MAML3: variants seen among roughly 807,000 people sequenced by gnomAD.
The protein encoded by MAML3 is mastermind like transcriptional coactivator 3.
Under a neutral mutation model 101.9 loss-of-function variants are expected in MAML3, and 27 were observed. The ratio of observed to expected loss-of-function variants is 0.27; its 90% CI spans 0.20 to 0.37. The LOEUF (loss-of-function observed/expected upper bound fraction) is 0.37, where lower values mean the gene tolerates loss of function less well. MAML3 is among the 10% of genes least tolerant of loss of function. The pLI is 1.00. For missense variants in MAML3, 1,316 were observed against 1,444.9 expected, an observed-to-expected ratio of 0.91 and a Z score of 1.45; for synonymous variants, 501 against 555.9, an observed-to-expected ratio of 0.90 and a Z score of 1.39.
Position 139,883,278 on chromosome 4 carries a change from T to C in MAML3, c.2079+6079A>G, listed in dbSNP as rs993652032. Among the ~76,000 whole-genome samples the C allele has an allele frequency of 9.8e-5, 15 of 152,320 alleles. No homozygotes were observed. The South Asian group carries it at 1.2e-3, about 13-fold the overall frequency. The stretch of plus-strand genomic sequence containing the variant: ...ATATTATCTGATGTGCTTGATCATA[T>C]TGAATGTTTTACATGGTCAGAAAAG... On this transcript the variant is annotated intron_variant, in intron 2 of 4. Transcript: ENST00000509479.
At chr4:139,950,410 C>T (rs1399363356) in intron 1 of MAML3, among the ~76,000 whole-genome samples, 2 of 152,156 alleles carry the variant, frequency 1.3e-5, no homozygotes, top group Non-Finnish European at 2.9e-5. Context: ...CCAGCCCCCA[C>T]AGTCAAATAA....
chr4:139,758,638 G>A (rs116409157), intron 2 of MAML3, among the ~76,000 whole-genome samples: 49 of 152,268 alleles, frequency 3.2e-4, no homozygotes, highest in African/African-American at 1.2e-3. Context: ...AGTATGCTCG[G>A]TACGTTATCA....
intron 2 of MAML3, among the ~76,000 whole-genome samples, chr4:139,748,409 A>G (rs892025435): frequency 6.6e-6 from 1 of 152,220 alleles, no homozygotes; most frequent in African/African-American, 2.4e-5. Flanking sequence ...AGAAATGGAA[A>G]GAAGTGGAGC....
intron 1 of MAML3, among the ~76,000 whole-genome samples, chr4:140,124,700 T>C (rs77948464): frequency 0.013 from 1,952 of 152,322 alleles, 44 homozygotes; most frequent in African/African-American, 0.044. Context: ...CCAGACCTAT[T>C]TGCAATACTA....
intron 1 of MAML3, among the ~76,000 whole-genome samples, chr4:139,991,970 A>G (rs1023949580): frequency 6.6e-6 from 1 of 152,194 alleles, no homozygotes; most frequent in Admixed American, 6.5e-5. Flanking sequence ...GGACACTTCC[A>G]TCACTTCAAA....
At chr4:139,801,117 T>C (rs1194845249) in intron 2 of MAML3, among the ~76,000 whole-genome samples, 3 of 152,212 alleles carry the variant, frequency 2.0e-5, no homozygotes, top group African/African-American at 7.2e-5. Context: ...CCCTATGGGA[T>C]GTGCCAGTTT....
chr4:139,768,989 G>C (rs1305200301), intron 2 of MAML3, among the ~76,000 whole-genome samples: 7 of 152,256 alleles, frequency 4.6e-5, no homozygotes, highest in Non-Finnish European at 1.0e-4. Context: ...GGCAGCACCA[G>C]GGGCTGACTG....
chr4:139,948,469 G>A (rs1050672033), intron 1 of MAML3, among the ~76,000 whole-genome samples: 3 of 152,192 alleles, frequency 2.0e-5, no homozygotes, highest in African/African-American at 7.2e-5. Context: ...ATTCATAGGT[G>A]TATTAGCTCA....
intron 1 of MAML3, among the ~76,000 whole-genome samples, chr4:140,022,115 A>G (rs565270406): frequency 6.6e-6 from 1 of 152,250 alleles, no homozygotes; most frequent in Non-Finnish European, 1.5e-5. Flanking sequence ...TGCAAATTCC[A>G]GCAAGTGAGT....
chr4:139,756,633 T>G (rs35096225), intron 2 of MAML3, among the ~76,000 whole-genome samples: 1,564 of 152,324 alleles, frequency 0.01, 16 homozygotes, highest in Middle Eastern at 0.024. Context: ...TGGTTGTGGC[T>G]GTGCTTTAGG....
intron 1 of MAML3, among the ~76,000 whole-genome samples, chr4:139,974,327 G>A (rs1317899618): frequency 1.3e-5 from 2 of 151,994 alleles, no homozygotes; most frequent in South Asian, 2.1e-4. Flanking sequence ...GGATGGTCTC[G>A]ATCTCCTGAC....
rs1447122335 is a variant in MAML3, at chr4:139,730,677, CAA to C, written c.2080-12_2080-11del. ...CAACTGGATGCTGCTCCTGGGAAGA[CAA>C]GAGAGAGGGAGATGCAGGGATTCCC... On this transcript the variant is annotated splice_polypyrimidine_tract_variant and intron_variant, in intron 2 of 4. Transcript: ENST00000509479. The C allele has an allele frequency of 1.1e-5, 17 of 1,608,388 alleles. No homozygotes were observed. Among genetic ancestry groups the C allele is most frequent in the Non-Finnish European group, 1.2e-5 (14 of 1,176,502 alleles).
chr4:139,740,959 A>G (rs1729146255), intron 2 of MAML3, among the ~76,000 whole-genome samples: 1 of 152,090 alleles, frequency 6.6e-6, no homozygotes, highest in Non-Finnish European at 1.5e-5. Context: ...AGGCCGTGAG[A>G]GGGAGGGCCC....
intron 2 of MAML3, among the ~76,000 whole-genome samples, chr4:139,830,580 A>C (rs377463085): frequency 0.038 from 5,794 of 150,904 alleles, 391 homozygotes; most frequent in African/African-American, 0.13. Flanking sequence ...ACGCCATGCT[A>C]ATTTTTTATA....
chr4:139,875,136 T>A (rs1247516158), intron 2 of MAML3, among the ~76,000 whole-genome samples: 2 of 152,058 alleles, frequency 1.3e-5, no homozygotes, highest in African/African-American at 4.8e-5. Flanking sequence ...AAACCTAAAG[T>A]ACAAACAGGT....
intron 1 of MAML3, among the ~76,000 whole-genome samples, chr4:140,103,671 A>T (rs570623529): frequency 3.9e-5 from 6 of 152,352 alleles, no homozygotes; most frequent in Non-Finnish European, 5.9e-5. Flanking sequence ...GGAAAAATCA[A>T]AATGGTTTTT....
chr4:140,083,282 T>C (rs554111558), intron 1 of MAML3, among the ~76,000 whole-genome samples: 2 of 152,180 alleles, frequency 1.3e-5, no homozygotes, highest in East Asian at 1.9e-4. Context: ...TTTCCCCACA[T>C]TGCCCACTCC....
intron 1 of MAML3, among the ~76,000 whole-genome samples, chr4:139,969,412 A>C (rs1245915995): frequency 6.6e-6 from 1 of 152,056 alleles, no homozygotes; most frequent in Non-Finnish European, 1.5e-5. Flanking sequence ...TCAGAAAAAT[A>C]TGTTTGGAGA....
At chr4:140,113,491 G>C (rs1440999094) in intron 1 of MAML3, among the ~76,000 whole-genome samples, 1 of 152,090 alleles carries the variant, frequency 6.6e-6, no homozygotes, top group African/African-American at 2.4e-5. Context: ...CACTGTAGTA[G>C]ACTATTTCTT....
Sources: allele counts gnomAD v4.1 joint callset (sites outside exome capture counted in the v4.1 genomes callset), GRCh38; gene constraint gnomAD v4.1.1; transcripts MANE v1.5; gene names NCBI Gene and HGNC (gene_info 2026-07-23, HGNC 2026-07-21).